Variants in CMIP observed in about 807,000 individuals in gnomAD.
CMIP encodes c-Maf inducing protein, also known as C-Maf-inducing protein.
Under a neutral mutation model 97.3 loss-of-function variants are expected in CMIP, and 13 were observed. That is an observed-to-expected ratio of 0.13 (90% CI 0.09 to 0.21). CMIP has a LOEUF of 0.21. Ranked by LOEUF, CMIP falls within the 10% of genes least tolerant of loss-of-function variation. The pLI is 1.00. For synonymous variants in CMIP, 538 were observed against 436.3 expected, an observed-to-expected ratio of 1.23 and a Z score of -2.91; for missense variants, 847 against 1,024.9, an observed-to-expected ratio of 0.83 and a Z score of 2.37.
chr16:81,657,969 C>T (rs1296397029), intron 5 of CMIP, among the ~76,000 whole-genome samples, 153 bp downstream of exon 5: 1 of 152,218 alleles, frequency 6.6e-6, no homozygotes, highest in Non-Finnish European at 1.5e-5. Context: ...GACGCACCTC[C>T]CTCTGCCTTT....
chr16:81,509,099 G>C (rs1260199214), intron 1 of CMIP, among the ~76,000 whole-genome samples: 2 of 152,202 alleles, frequency 1.3e-5, no homozygotes, highest in Non-Finnish European at 2.9e-5. Flanking sequence ...TCTTCAGAGA[G>C]AAAAAGTGCC....
intron 1 of CMIP, among the ~76,000 whole-genome samples, chr16:81,516,113 G>T (rs538482816): frequency 6.6e-6 from 1 of 152,254 alleles, no homozygotes. Context: ...CCTTCCTTGT[G>T]TACCCAGTGC....
chr16:81,471,469 T>C (rs565211030), intron 1 of CMIP, among the ~76,000 whole-genome samples: 12 of 152,338 alleles, frequency 7.9e-5, no homozygotes, highest in African/African-American at 2.6e-4. Flanking sequence ...TACACATGTA[T>C]GCAGACATGC....
At chr16:81,580,176 A>T (rs2091271989) in intron 1 of CMIP, among the ~76,000 whole-genome samples, 1 of 151,990 alleles carries the variant, frequency 6.6e-6, no homozygotes, top group Non-Finnish European at 1.5e-5. Context: ...CCCATTCCTA[A>T]TCTCCAGCTT....
At chr16:81,546,120 C>T (rs1161719128) in intron 1 of CMIP, among the ~76,000 whole-genome samples, 1 of 152,194 alleles carries the variant, frequency 6.6e-6, no homozygotes, top group African/African-American at 2.4e-5. Flanking sequence ...CACCCTGGTT[C>T]TTACGAGTTA....
At chr16:81,565,909 G>A (rs1041882971) in intron 1 of CMIP, among the ~76,000 whole-genome samples, 3 of 152,294 alleles carry the variant, frequency 2.0e-5, no homozygotes, top group South Asian at 2.1e-4. Flanking sequence ...CAGATGTCAC[G>A]GGGGGACATG....
At chr16:81,532,522 G>T (rs1043780711) in intron 1 of CMIP, among the ~76,000 whole-genome samples, 4 of 152,030 alleles carry the variant, frequency 2.6e-5, no homozygotes, top group Non-Finnish European at 5.9e-5. Context: ...GCCTCCCCAG[G>T]GACTAGCGCT....
chr16:81,704,405 A>C (rs1413152324), intron 18 of CMIP, among the ~76,000 whole-genome samples: 1 of 1,294 alleles, frequency 7.7e-4, no homozygotes. Context: ...TGCTCCCCTC[A>C]CCCTCTTCCC....
At chr16:81,462,327 T>A (rs74700877) in intron 1 of CMIP, among the ~76,000 whole-genome samples, 2,273 of 152,218 alleles carry the variant, frequency 0.015, 48 homozygotes, top group African/African-American at 0.052. Flanking sequence ...GGCAAAATGG[T>A]AAGACAGAGC....
At chr16:81,578,508 C>G (rs2091240491) in intron 1 of CMIP, among the ~76,000 whole-genome samples, 1 of 152,186 alleles carries the variant, frequency 6.6e-6, no homozygotes, top group Admixed American at 6.5e-5. Flanking sequence ...GTGTCTCCCT[C>G]TCTCCTTCCT....
chr16:81,517,136 C>T (rs143415703), intron 1 of CMIP, among the ~76,000 whole-genome samples: 19 of 151,364 alleles, frequency 1.3e-4, no homozygotes, highest in East Asian at 2.0e-4. Context: ...AAAAACCAGA[C>T]GGCCTCCAAG....
intron 3 of CMIP, among the ~76,000 whole-genome samples, chr16:81,623,086 C>T (rs966872165): frequency 6.6e-6 from 1 of 152,154 alleles, no homozygotes; most frequent in African/African-American, 2.4e-5. Flanking sequence ...CCCATGTGGT[C>T]CCAGCTACTT....
intron 1 of CMIP, among the ~76,000 whole-genome samples, chr16:81,502,559 A>G (rs985590105): frequency 6.6e-6 from 1 of 152,098 alleles, no homozygotes; most frequent in South Asian, 2.1e-4. Flanking sequence ...TGCGCCAGGC[A>G]TTTGGGCGTC....
chr16:81,501,423 C>T (rs1175139923), intron 1 of CMIP, among the ~76,000 whole-genome samples: 4 of 152,116 alleles, frequency 2.6e-5, no homozygotes, highest in African/African-American at 9.7e-5. Flanking sequence ...CGCATTGTAT[C>T]GGGCTCCTTG....
intron 1 of CMIP, among the ~76,000 whole-genome samples, chr16:81,483,623 C>G (rs1030127016): frequency 2.6e-5 from 4 of 152,182 alleles, no homozygotes; most frequent in East Asian, 1.9e-4. Context: ...CTGACCCTCC[C>G]CCAGCTGCCC....
rs114389132 is a variant in CMIP at position 81,596,747 on chromosome 16, C to G, written c.301-10820C>G. On this transcript the variant is annotated intron_variant, in intron 1 of 20. Transcript: ENST00000537098. ...ATGTCCTGGTTTTCCCAGGATTTTC[C>G]CAATAGAGTAGTGACCATTCAACAT... Among the ~76,000 whole-genome samples, 618 of 152,166 alleles carry G rather than the reference C, an allele frequency of 4.1e-3. 5 individuals are homozygous for G. The highest frequency in any genetic ancestry group is 0.014 in the African/African-American group (587 of 41,502).
intron 1 of CMIP, among the ~76,000 whole-genome samples, chr16:81,557,905 A>G (rs1475959690): frequency 6.6e-6 from 1 of 152,194 alleles, no homozygotes; most frequent in Non-Finnish European, 1.5e-5. Flanking sequence ...AACTCTTTTC[A>G]TCTTATCAGA....
intron 10 of CMIP, among the ~76,000 whole-genome samples, chr16:81,688,927 G>A (rs34895689): frequency 0.43 from 65,345 of 152,012 alleles, 15,537 homozygotes; most frequent in East Asian, 0.82. Flanking sequence ...CTGTCCTTGC[G>A]ATAGTTTGCT....
chr16:81,560,912 G>C (rs777083762), intron 1 of CMIP, among the ~76,000 whole-genome samples: 1 of 152,100 alleles, frequency 6.6e-6, no homozygotes, highest in African/African-American at 2.4e-5. Flanking sequence ...TGGCATAATC[G>C]CTGAAAATGC....
Sources: allele counts gnomAD v4.1 joint callset (sites outside exome capture counted in the v4.1 genomes callset), GRCh38; gene constraint gnomAD v4.1.1; transcripts MANE v1.5; gene names NCBI Gene and HGNC (gene_info 2026-07-23, HGNC 2026-07-21).